NCAM2: variants seen among roughly 807,000 people sequenced by gnomAD.
NCAM2 encodes the protein neural cell adhesion molecule 2, also known as N-CAM-2.
In NCAM2, 30 loss-of-function variants were observed where a neutral mutation model predicts 98.1. The observed-to-expected ratio is 0.31, with a 90% CI of 0.23 to 0.41. The LOEUF is 0.41. Among genes scored for constraint, NCAM2 ranks in the 10% least tolerant of loss-of-function variants. The pLI is 1.00. For synonymous variants in NCAM2, 368 were observed against 342.4 expected, an observed-to-expected ratio of 1.07 and a Z score of -0.83; for missense variants, 867 against 1,005.8, an observed-to-expected ratio of 0.86 and a Z score of 1.87.
intron 1 of NCAM2, among the ~76,000 whole-genome samples, chr21:21,164,346 C>T (rs943617823): frequency 3.3e-5 from 5 of 152,090 alleles, no homozygotes; most frequent in African/African-American, 1.2e-4. Flanking sequence ...AGAAGTTTGA[C>T]CTTTTGAAAC....
At chr21:21,426,523 A>G (rs2077217367) in intron 11 of NCAM2, among the ~76,000 whole-genome samples, 2 of 152,200 alleles carry the variant, frequency 1.3e-5, no homozygotes, top group African/African-American at 2.4e-5. Flanking sequence ...CCAATATTCT[A>G]CCTTCAAGGT....
At chr21:21,395,922 A>G (rs114066160) in intron 9 of NCAM2, among the ~76,000 whole-genome samples, 1,920 of 152,284 alleles carry the variant, frequency 0.013, 43 homozygotes, top group African/African-American at 0.044. Flanking sequence ...AGAAGATAAC[A>G]TGGGAAAAAT....
chr21:21,446,965 G>A (rs1980259058), intron 12 of NCAM2, among the ~76,000 whole-genome samples: 2 of 152,090 alleles, frequency 1.3e-5, no homozygotes, highest in African/African-American at 4.8e-5. Context: ...TTATGAAAAT[G>A]TCCATACTGC....
At chr21:21,456,839 T>G (rs1207845321) in intron 12 of NCAM2, among the ~76,000 whole-genome samples, 2 of 152,132 alleles carry the variant, frequency 1.3e-5, no homozygotes, top group African/African-American at 4.8e-5. Flanking sequence ...TACATCTATG[T>G]GAGGGTGGAA....
At chr21:21,268,452 C>G in intron 1 of NCAM2, among the ~76,000 whole-genome samples, 1 of 152,192 alleles carries the variant, frequency 6.6e-6, no homozygotes, top group East Asian at 1.9e-4. Flanking sequence ...CAGTGTTTAA[C>G]GTTGATGCAG....
chr21:21,297,023 A>G (rs1349121426), intron 5 of NCAM2, among the ~76,000 whole-genome samples: 1 of 151,836 alleles, frequency 6.6e-6, no homozygotes, highest in African/African-American at 2.4e-5. Flanking sequence ...TTAAAGGATG[A>G]AAGCTAAAAA....
chr21:21,458,692 GT>G (rs964485527), intron 12 of NCAM2, among the ~76,000 whole-genome samples: 8 of 152,182 alleles, frequency 5.3e-5, no homozygotes, highest in African/African-American at 1.9e-4. Flanking sequence ...AAATTGTGTT[GT>G]TTATAAGCCT....
rs1555902035 is a variant in NCAM2 at position 21,467,428 on chromosome 21, T to TATATATATATATA, written c.1774+703_1774+704insATATATATATATA. Among the ~76,000 whole-genome samples the TATATATATATATA allele has an allele frequency of 3.1e-3, 438 of 140,704 alleles. 5 individuals carry two copies. Among genetic ancestry groups the TATATATATATATA allele is most frequent in the African/African-American group, 0.011 (392 of 36,014 alleles). The allele number at this position is 140,704 out of a possible 152,430, so 92.3% of individuals were successfully genotyped here. On this transcript the variant is annotated intron_variant, in intron 13 of 17. Coordinates refer to ENST00000400546, the MANE Select transcript of NCAM2 (RefSeq NM_004540.5). ...TGTATATGTGTATATATATATCTTT[T>TATATATATATATA]TATATATATATATATGTTAGGACAG...
At chr21:21,350,458 A>G (rs1007605691) in intron 8 of NCAM2, among the ~76,000 whole-genome samples, 2 of 152,064 alleles carry the variant, frequency 1.3e-5, no homozygotes, top group East Asian at 3.9e-4. Flanking sequence ...ATTATTTCAC[A>G]TAAATGCTAC....
intron 1 of NCAM2, among the ~76,000 whole-genome samples, chr21:21,214,677 T>C (rs2069795626): frequency 7.0e-6 from 1 of 143,142 alleles, no homozygotes; most frequent in Non-Finnish European, 1.5e-5. Context: ...TTTGACTATG[T>C]GCTAGACATT....
rs60333494 is a variant in NCAM2, at chr21:21,272,984, TACACACAC to T, written c.56-7576_56-7569del. ...CACACGGGACATGCATTCACACACA[TACACACAC>T]ACACACACACACACACAATCTGTAA... On this transcript the variant is annotated intron_variant, in intron 1 of 17. Transcript: ENST00000400546. 2.2e-3 allele frequency among the ~76,000 whole-genome samples: 321 copies of T among 143,160 alleles called. 3 individuals carry two copies. Among genetic ancestry groups the T allele is most frequent in the Admixed American group, 0.017 (240 of 14,266 alleles). The allele number at this position is 143,160 out of a possible 152,430, so 93.9% of individuals were successfully genotyped here. A position where few individuals can be genotyped will look rare whatever the true frequency, so the allele number is the denominator to read the frequency against.
chr21:21,366,146 A>G (rs534610844), intron 8 of NCAM2, among the ~76,000 whole-genome samples: 2 of 152,094 alleles, frequency 1.3e-5, no homozygotes, highest in South Asian at 2.1e-4. Context: ...TAGTGTATTT[A>G]CTGTATTTTT....
chr21:21,286,330 A>G lies in NCAM2; in HGVS notation c.399A>G (p.Glu133=). 1 of 1,612,358 alleles carries G rather than the reference A, an allele frequency of 6.2e-7. No individual in the cohort carries two copies. The highest frequency in any genetic ancestry group is 2.2e-5 in the East Asian group (1 of 44,770). The change falls in exon 4 of 18, where the codon GAA becomes GAG. Residue 133 remains glutamate, a synonymous_variant. Coordinates refer to ENST00000400546, the MANE Select transcript of NCAM2 (RefSeq NM_004540.5). ...PQEFKQGEDA[E]VVCRVSSSPA... ...AATTCAAACAAGGAGAAGATGCAGA[A>G]GTGGTTTGCCGAGTTAGCAGTTCAC...
intron 1 of NCAM2, among the ~76,000 whole-genome samples, chr21:21,272,367 G>A (rs917253277): frequency 6.6e-6 from 1 of 152,154 alleles, no homozygotes; most frequent in Non-Finnish European, 1.5e-5. Flanking sequence ...GCATCTGGAA[G>A]TTACTTAAAT....
intron 1 of NCAM2, among the ~76,000 whole-genome samples, chr21:21,144,273 C>T (rs1292479513): frequency 6.6e-6 from 1 of 151,430 alleles, no homozygotes; most frequent in Non-Finnish European, 1.5e-5. Flanking sequence ...TGCTTGAACC[C>T]AGGAGGTGGA....
At chr21:21,256,743 A>G (rs145624423) in intron 1 of NCAM2, among the ~76,000 whole-genome samples, 3 of 152,316 alleles carry the variant, frequency 2.0e-5, no homozygotes, top group African/African-American at 7.2e-5. Flanking sequence ...ATAAACATTC[A>G]ACTACTGTTA....
intron 1 of NCAM2, among the ~76,000 whole-genome samples, chr21:21,122,534 T>C (rs1427480626): frequency 1.3e-5 from 2 of 152,288 alleles, no homozygotes; most frequent in East Asian, 3.9e-4. Flanking sequence ...CACAATTCTT[T>C]GGGTTGGCGG....
chr21:21,257,344 A>G (rs1201117970), intron 1 of NCAM2, among the ~76,000 whole-genome samples: 1 of 152,224 alleles, frequency 6.6e-6, no homozygotes, highest in African/African-American at 2.4e-5. Flanking sequence ...AACTGTTTAC[A>G]TGATTTTATC....
chr21:21,522,216 T>C (rs1450162037), intron 16 of NCAM2, among the ~76,000 whole-genome samples: 2 of 148,012 alleles, frequency 1.4e-5, no homozygotes, highest in Non-Finnish European at 3.0e-5. Context: ...TGATTATATA[T>C]GAATGACTAT....
Sources: allele counts gnomAD v4.1 joint callset (sites outside exome capture counted in the v4.1 genomes callset), GRCh38; gene constraint gnomAD v4.1.1; transcripts MANE v1.5; gene names NCBI Gene and HGNC (gene_info 2026-07-23, HGNC 2026-07-21).